The following CADM4 variants were observed in gnomAD, a reference collection of about 807,000 sequenced individuals.
CADM4 encodes the protein cell adhesion molecule 4.
In CADM4, 13 loss-of-function variants were observed where a neutral mutation model predicts 43.9. The ratio of observed to expected loss-of-function variants is 0.30; its 90% confidence interval spans 0.19 to 0.47. CADM4 has a LOEUF of 0.47. Ranked by LOEUF, CADM4 falls within the 20% of genes least tolerant of loss-of-function variation. The pLI is 1.00. For missense variants in CADM4, 420 were observed against 527.0 expected, an observed-to-expected ratio of 0.80 and a Z score of 1.99; for synonymous variants, 209 against 220.9, an observed-to-expected ratio of 0.95 and a Z score of 0.48.
Position 43,627,898 on chromosome 19 carries a change from T to C in CADM4, c.65-108A>G. On this transcript the variant is annotated intron_variant, in intron 1 of 8. Transcript: ENST00000222374. The surrounding 1 kb of genome is among the most constrained non-coding windows in gnomAD (Gnocchi z 4.0). ...AAACCTCCAATCCCTCTCTTTCCCC[T>C]CATTCATTCCATTGCACTGAACATT... 8.9e-7 allele frequency: 1 copy of C among 1,129,648 alleles called. No homozygotes were observed. Among genetic ancestry groups the C allele is most frequent in the Non-Finnish European group, 1.3e-6 (1 of 771,308 alleles). 70.0% of individuals were successfully genotyped at this position (1,129,648 alleles called of 1,614,324 possible).
chr19:43,639,984 A>C (rs1973755921), upstream of CADM4: 6 of 270,590 alleles, frequency 2.2e-5, no homozygotes, highest in Admixed American at 6.7e-5. Context: ...CGGTGGGGGA[A>C]CGGTGCGGGG....
rs899418152 is a variant in CADM4, at chr19:43,625,666, T to C, written c.755+245A>G. 6.6e-6 allele frequency among the ~76,000 whole-genome samples: 1 copy of C among 152,114 alleles called. No individual in the cohort carries two copies. Among genetic ancestry groups the C allele is most frequent in the African/African-American group, 2.4e-5 (1 of 41,438 alleles). On this transcript the variant is annotated intron_variant, in intron 6 of 8. Transcript: ENST00000222374. This position sits in a 1 kb window ranked among gnomAD's most constrained non-coding sequence, Gnocchi z 4.5. Reference sequence around the variant, plus strand: ...AGTCTGAGGCTGCACAGCTTCAGTATTGGGGAGTCTGAGCCTCCAGATTCC... The same window carrying C: ...AGTCTGAGGCTGCACAGCTTCAGTACTGGGGAGTCTGAGCCTCCAGATTCC...
At chr19:43,633,836 A>G (rs1973663906) in intron 1 of CADM4, among the ~76,000 whole-genome samples, 2 of 151,216 alleles carry the variant, frequency 1.3e-5, no homozygotes, top group South Asian at 4.2e-4. Flanking sequence ...GTGCGTAGCT[A>G]TGCCCAGCTA....
intron 1 of CADM4, among the ~76,000 whole-genome samples, chr19:43,634,427 C>T (rs894897030): frequency 1.2e-4 from 19 of 152,300 alleles, no homozygotes; most frequent in African/African-American, 3.8e-4. Context: ...CTCCTGGGAG[C>T]CATCAGGTTC....
At chr19:43,640,176 C>G (rs1203044051), upstream of CADM4, among the ~76,000 whole-genome samples, 3 of 145,770 alleles carry the variant, frequency 2.1e-5, no homozygotes, top group Non-Finnish European at 4.5e-5. Context: ...ATGCAGGGTG[C>G]TTGCGCTGCG....
At chr19:43,636,481 G>A (rs1055458787) in intron 1 of CADM4, among the ~76,000 whole-genome samples, 2 of 152,224 alleles carry the variant, frequency 1.3e-5, no homozygotes, top group Admixed American at 6.5e-5. Flanking sequence ...GGGTGCCCAC[G>A]GAGGAGCCTG....
In CADM4 at chr19:43,626,879, G is replaced by C. The variant is rs1319218597; in HGVS notation, c.404C>G (p.Ala135Gly). Reference sequence around the variant, plus strand: ...GAGCTCCACCTCGCCGCCCTCTACCGCCTGCTCCCGGACCTCCACCACAGG... The same window carrying C: ...GAGCTCCACCTCGCCGCCCTCTACCCCCTGCTCCCGGACCTCCACCACAGG... ...ENPVVEVREQAVEGGEVELSC... is the reference protein window; with the variant it reads ...ENPVVEVREQGVEGGEVELSC... Residue 135 changes from alanine (A) to glycine (G), a missense_variant, in exon 4 of 9, where the codon GCG (alanine) becomes GGG (glycine). Transcript: ENST00000222374. The surrounding 1 kb of genome is among the most constrained non-coding windows in gnomAD (Gnocchi z 5.9). 1 of 1,608,002 alleles carries C rather than the reference G, an allele frequency of 6.2e-7. No individual in the cohort carries two copies. Among genetic ancestry groups the C allele is most frequent in the Admixed American group, 1.7e-5 (1 of 59,812 alleles).
chr19:43,633,034 T>G (rs1241815990), intron 1 of CADM4, among the ~76,000 whole-genome samples: 1 of 140,544 alleles, frequency 7.1e-6, no homozygotes, highest in African/African-American at 2.7e-5. Context: ...ATTGAGCCAC[T>G]GCACCCCAAC....
rs377004796 is a variant in CADM4, at chr19:43,627,128, G to A, written c.364+38C>T. On this transcript the variant is annotated intron_variant, in intron 3 of 8. Coordinates refer to ENST00000222374, the MANE Select transcript of CADM4 (RefSeq NM_145296.2). This position sits in a 1 kb window ranked among gnomAD's most constrained non-coding sequence, Gnocchi z 4.0. The stretch of plus-strand genomic sequence containing the variant: ...GGAGAAGAGAGAAGCAGAGAAGAAA[G>A]GAGGAGAGGATGCGTCTGACAAGGG... 3 of 1,529,260 alleles carry A rather than the reference G, an allele frequency of 2.0e-6. No homozygotes were observed. Among genetic ancestry groups the A allele is most frequent in the African/African-American group, 1.4e-5 (1 of 72,180 alleles). The allele number at this position is 1,529,260 out of a possible 1,614,324, so 94.7% of individuals were successfully genotyped here. A position where few individuals can be genotyped will look rare whatever the true frequency, so the allele number is the denominator to read the frequency against.
At chr19:43,631,818 T>C (rs1433284943) in intron 1 of CADM4, among the ~76,000 whole-genome samples, 2 of 152,332 alleles carry the variant, frequency 1.3e-5, no homozygotes, top group Non-Finnish European at 2.9e-5. Context: ...CCTGAGTCTC[T>C]GGTGAAGATG....
In CADM4 at chr19:43,623,967, G is replaced by T; in HGVS notation, c.1057+147C>A. On this transcript the variant is annotated intron_variant, in intron 8 of 8. Transcript: ENST00000222374. The surrounding 1 kb of genome is among the most constrained non-coding windows in gnomAD (Gnocchi z 4.4). ...TTTCGAGTATTGTGCCGAAAGCCCC[G>T]CCCCCTTTGTCATCTCCGCCCCCGG... 2 of 938,744 alleles carry T rather than the reference G, an allele frequency of 2.1e-6. No homozygotes were observed. The highest frequency in any genetic ancestry group is 3.2e-6 in the Non-Finnish European group (2 of 623,976). 58.2% of individuals were successfully genotyped at this position (938,744 alleles called of 1,614,324 possible).
rs745686772 is a variant in CADM4, at chr19:43,626,333, C to CAT, written c.500-47_500-46dup. 1.3e-6 allele frequency: 2 copies of CAT among 1,594,226 alleles called. No individual in the cohort carries two copies. Among genetic ancestry groups the CAT allele is most frequent in the Admixed American group, 3.4e-5 (2 of 59,680 alleles). The stretch of plus-strand genomic sequence containing the variant: ...CACTGTCAGGCCACAATTCCGGCTC[C>CAT]ATCCACCCACCCACCCGAGCCAACG... On this transcript the variant is annotated intron_variant, in intron 4 of 8. Transcript: ENST00000222374. This position sits in a 1 kb window ranked among gnomAD's most constrained non-coding sequence, Gnocchi z 5.9.
chr19:43,636,917 G>A (rs1973712787), intron 1 of CADM4, among the ~76,000 whole-genome samples: 1 of 152,096 alleles, frequency 6.6e-6, no homozygotes, highest in African/African-American at 2.4e-5. Context: ...GTCACCCTGG[G>A]AAGGAAACAT....
In CADM4 at chr19:43,626,840, G is replaced by A. The variant is rs773585058; in HGVS notation, c.443C>T (p.Pro148Leu). The change falls in exon 4 of 9, where the codon CCG becomes CTG. Residue 148 changes from proline to leucine, a missense_variant. Coordinates refer to ENST00000222374, the MANE Select transcript of CADM4 (RefSeq NM_145296.2). The surrounding 1 kb of genome is among the most constrained non-coding windows in gnomAD (Gnocchi z 5.9). ...GGEVELSCLVPRSRPAATLRW... is the reference protein window; with the variant it reads ...GGEVELSCLVLRSRPAATLRW... ...CAGGGTGGCAGCCGGACGGGACCGC[G>A]GAACGAGGCAGCTGAGCTCCACCTC... The A allele has an allele frequency of 5.0e-6, 8 of 1,610,704 alleles. No homozygotes were observed. The highest frequency in any genetic ancestry group is 2.2e-5 in the East Asian group (1 of 44,730).
intron 1 of CADM4, among the ~76,000 whole-genome samples, chr19:43,632,003 T>C (rs1405195903): frequency 6.6e-6 from 1 of 152,160 alleles, no homozygotes; most frequent in Non-Finnish European, 1.5e-5. Flanking sequence ...GCTTCATGAG[T>C]AGCTGAAACT....
In CADM4 at chr19:43,629,556, C is replaced by T. The variant is rs1371058716; in HGVS notation, c.65-1766G>A. Among the ~76,000 whole-genome samples the T allele has an allele frequency of 2.0e-5, 3 of 152,300 alleles. No individual in the cohort carries two copies. The East Asian group carries it at 5.8e-4, about 29-fold the overall frequency. ...GCAGTGTTAGTCCCTGTGCTAAGGG[C>T]ATTACCCATATAACTTACCTTTAAT... is the stretch of plus-strand genomic sequence containing the variant. On this transcript the variant is annotated intron_variant, in intron 1 of 8. Coordinates refer to ENST00000222374, the MANE Select transcript of CADM4 (RefSeq NM_145296.2).
At chr19:43,637,834 A>G (rs1482751751) in intron 1 of CADM4, among the ~76,000 whole-genome samples, 1 of 152,184 alleles carries the variant, frequency 6.6e-6, no homozygotes, top group African/African-American at 2.4e-5. Context: ...TAAGACGTCA[A>G]GATGCTAGCA....
rs1568539258 is a variant in CADM4 at position 43,623,467 on chromosome 19, G to T, written c.1058-28C>A. ...GAGGGGGTGACAGACCCCCGGGGCAGGGGGGACATATTTGTGGATCCAGGA... is the reference window on the plus strand; with the variant it reads ...GAGGGGGTGACAGACCCCCGGGGCATGGGGGACATATTTGTGGATCCAGGA... On this transcript the variant is annotated intron_variant, in intron 8 of 8. Coordinates refer to ENST00000222374, the MANE Select transcript of CADM4 (RefSeq NM_145296.2). The surrounding 1 kb of genome is among the most constrained non-coding windows in gnomAD (Gnocchi z 4.4). 7.1e-7 allele frequency: 1 copy of T among 1,417,256 alleles called. No individual in the cohort carries two copies. The highest frequency in any genetic ancestry group is 1.0e-6 in the Non-Finnish European group (1 of 1,001,050). 87.8% of individuals were successfully genotyped at this position (1,417,256 alleles called of 1,614,324 possible).
chr19:43,626,440 C>A lies in CADM4; in HGVS notation c.500-152G>T. On this transcript the variant is annotated intron_variant, in intron 4 of 8. Coordinates refer to ENST00000222374, the MANE Select transcript of CADM4 (RefSeq NM_145296.2). This position sits in a 1 kb window ranked among gnomAD's most constrained non-coding sequence, Gnocchi z 5.9. ...CTCCAAGCTACGCCCCTCCCCTAAC[C>A]AAGCCCACGTGCCTCCTCCCAAAGC... is the stretch of plus-strand genomic sequence containing the variant. 1 of 908,860 alleles carries A rather than the reference C, an allele frequency of 1.1e-6. No individual in the cohort carries two copies. Among genetic ancestry groups the A allele is most frequent in the Non-Finnish European group, 1.6e-6 (1 of 608,918 alleles). 56.3% of individuals were successfully genotyped at this position (908,860 alleles called of 1,614,324 possible).
Sources: gnomAD v4.1 joint callset for allele counts (sites outside exome capture counted in the v4.1 genomes callset) on GRCh38, gnomAD v4.1.1 for gene constraint, Gnocchi (gnomAD v3.1) non-coding constraint, MANE v1.5 for transcripts, NCBI Gene and HGNC (gene_info 2026-07-23, HGNC 2026-07-21) for gene names.